CDHR2: variants seen among roughly 807,000 people sequenced by gnomAD.
CDHR2 encodes cadherin-related family member 2.
Under a neutral mutation model 138.6 loss-of-function variants are expected in CDHR2, and 104 were observed. The observed-to-expected ratio is 0.75, with a 90% CI of 0.64 to 0.88. The LOEUF (loss-of-function observed/expected upper bound fraction) is 0.88, where lower values mean the gene tolerates loss of function less well. Ranked by LOEUF, CDHR2 falls within the 40% of genes least tolerant of loss-of-function variation. CDHR2 has a pLI of 0.00. For synonymous variants in CDHR2, 755 were observed against 742.8 expected, an observed-to-expected ratio of 1.02 and a Z score of -0.27; for missense variants, 1,624 against 1,727.6, an observed-to-expected ratio of 0.94 and a Z score of 1.06.
chr5:176,560,416 A>T (rs1757938752), intron 1 of CDHR2, among the ~76,000 whole-genome samples: 1 of 152,120 alleles, frequency 6.6e-6, no homozygotes, highest in East Asian at 1.9e-4. Context: ...ATTAAAAAAA[A>T]AAAAAGACGC....
At chr5:176,559,112 G>A (rs1277472163) in intron 1 of CDHR2, among the ~76,000 whole-genome samples, 1 of 152,156 alleles carries the variant, frequency 6.6e-6, no homozygotes, top group African/African-American at 2.4e-5. Flanking sequence ...TTCTAACAAA[G>A]TATCTCCAGG....
At chr5:176,555,030 C>T (rs1346058513) in intron 1 of CDHR2, among the ~76,000 whole-genome samples, 3 of 152,208 alleles carry the variant, frequency 2.0e-5, no homozygotes, top group African/African-American at 7.2e-5. Flanking sequence ...CCACGAGTCT[C>T]TTGCTATTCA....
chr5:176,544,126 CT>C (rs1168552575), intron 1 of CDHR2, among the ~76,000 whole-genome samples: 2 of 152,258 alleles, frequency 1.3e-5, no homozygotes, highest in Non-Finnish European at 2.9e-5. Context: ...AGGTCGTCTG[CT>C]TAGCCCAGGT....
chr5:176,565,413 C>G lies in CDHR2; in HGVS notation c.52+9C>G, dbSNP rs754222138. 1.2e-6 allele frequency: 2 copies of G among 1,613,432 alleles called. No homozygotes were observed. Among genetic ancestry groups the G allele is most frequent in the South Asian group, 1.1e-5 (1 of 91,078 alleles). On this transcript the variant is annotated intron_variant, in intron 2 of 31. Coordinates refer to ENST00000261944, the MANE Select transcript of CDHR2 (RefSeq NM_017675.6). ...TGCCCTCGTGGTGTCTGGTAGGTGT[C>G]TCCCCTCCCCAGCCACGCAGCCCTA... is the stretch of plus-strand genomic sequence containing the variant.
At chr5:176,562,528 C>T (rs1757989037) in intron 1 of CDHR2, among the ~76,000 whole-genome samples, 1 of 152,036 alleles carries the variant, frequency 6.6e-6, no homozygotes, top group Non-Finnish European at 1.5e-5. Flanking sequence ...TCCTCTACCC[C>T]CACTCCTCCC....
chr5:176,556,441 C>T (rs943094598), intron 1 of CDHR2, among the ~76,000 whole-genome samples: 1 of 152,036 alleles, frequency 6.6e-6, no homozygotes, highest in Admixed American at 6.6e-5. Context: ...CCGAGGCGGG[C>T]GGATCACAAG....
chr5:176,564,908 G>A (rs911249415), intron 1 of CDHR2, among the ~76,000 whole-genome samples: 1 of 152,160 alleles, frequency 6.6e-6, no homozygotes, highest in Non-Finnish European at 1.5e-5. Context: ...ACTTCTAACA[G>A]GCAGGTATAG....
At position 176,592,141 on chromosome 5, in the gene CDHR2, ATGG is replaced by A. The variant is rs1413301724; in HGVS notation, c.3735-579_3735-577del. ...GGTAGTGATGGTGATGGTGGTGATG[ATGG>A]TGATGATGACAATGATGATGGTGGT... On this transcript the variant is annotated intron_variant, in intron 30 of 31. Coordinates refer to ENST00000261944, the MANE Select transcript of CDHR2 (RefSeq NM_017675.6). 4.0e-3 allele frequency among the ~76,000 whole-genome samples: 280 copies of A among 70,388 alleles called. 17 individuals carry two copies. The highest frequency in any genetic ancestry group is 0.016 in the African/African-American group (261 of 16,770). The allele number at this position is 70,388 out of a possible 152,430, so 46.2% of individuals were successfully genotyped here.
intron 17 of CDHR2, among the ~76,000 whole-genome samples, chr5:176,582,177 T>C (rs1260251186): frequency 6.6e-6 from 1 of 152,104 alleles, no homozygotes; most frequent in Non-Finnish European, 1.5e-5. Flanking sequence ...TATGCCACCA[T>C]GCCTGGTTAA....
Position 176,589,319 on chromosome 5 carries a change from G to A in CDHR2, c.3009-11G>A, listed in dbSNP as rs770835213. On this transcript the variant is annotated splice_polypyrimidine_tract_variant and intron_variant, in intron 22 of 31. Coordinates refer to ENST00000261944, the MANE Select transcript of CDHR2 (RefSeq NM_017675.6). ...GTTCCAAGACTGACCTGCGCCTCCC[G>A]CCTTCCGCAGGCCGGTGACCAGCCT... 22 of 1,554,930 alleles carry A rather than the reference G, an allele frequency of 1.4e-5. No homozygotes were observed. The highest frequency in any genetic ancestry group is 2.5e-5 in the South Asian group (2 of 80,312).
intron 17 of CDHR2, among the ~76,000 whole-genome samples, chr5:176,582,909 A>G (rs1046745491): frequency 2.0e-5 from 3 of 152,224 alleles, no homozygotes; most frequent in African/African-American, 7.2e-5. Flanking sequence ...CTGGAACAGT[A>G]TTGTGACAAA....
chr5:176,585,318 G>T (rs1425682944), intron 19 of CDHR2, among the ~76,000 whole-genome samples: 1 of 152,218 alleles, frequency 6.6e-6, no homozygotes, highest in African/African-American at 2.4e-5. Context: ...GTGAAAGAAA[G>T]ATAACACTGC....
Position 176,571,213 on chromosome 5 carries a change from G to T in CDHR2, c.316G>T (p.Val106Leu), listed in dbSNP as rs1447962018. The change falls in exon 6 of 32, where the codon GTG becomes TTG. Residue 106 changes from valine (V) to leucine (L), a missense_variant and splice_region_variant. Val to Leu is a conservative substitution (Grantham distance 32). Coordinates refer to ENST00000261944, the MANE Select transcript of CDHR2 (RefSeq NM_017675.6). ...GTCCCCTGGGCTTTCTCACTTGCAGGTGCAGAGGGAGATGCTGGTGATTGT... is the reference window on the plus strand; with the variant it reads ...GTCCCCTGGGCTTTCTCACTTGCAGTTGCAGAGGGAGATGCTGGTGATTGT... ...TISVSDPYIQ[V>L]QREMLVIVED... 6.2e-7 allele frequency: 1 copy of T among 1,610,828 alleles called. No homozygotes were observed. Among genetic ancestry groups the T allele is most frequent in the South Asian group, 1.1e-5 (1 of 90,774 alleles).
At position 176,574,323 on chromosome 5, in the gene CDHR2, C is replaced by T. The variant is rs1244540212; in HGVS notation, c.495+151C>T. On this transcript the variant is annotated intron_variant, in intron 7 of 31. Coordinates refer to ENST00000261944, the MANE Select transcript of CDHR2 (RefSeq NM_017675.6). The stretch of plus-strand genomic sequence containing the variant: ...AAACCGTCCTCTGGCCACCAGCCCC[C>T]CTCCCCGGAAACCTCGCCTTGCCCG... 1.4e-5 allele frequency: 9 copies of T among 639,352 alleles called. No individual in the cohort carries two copies. The East Asian group carries it at 2.2e-4, about 16-fold the overall frequency. 39.6% of individuals were successfully genotyped at this position (639,352 alleles called of 1,614,324 possible). A position where few individuals can be genotyped will look rare whatever the true frequency, so the allele number is the denominator to read the frequency against.
chr5:176,586,684 G>C, intron 20 of CDHR2, 109 bp from the exon 21 acceptor site: 1 of 962,350 alleles, frequency 1.0e-6, no homozygotes, highest in Non-Finnish European at 1.6e-6. Context: ...TGGTAGAGAG[G>C]TTGAGGGCAG....
Position 176,568,827 on chromosome 5 carries a change from A to G in CDHR2, c.264+10A>G. The G allele has an allele frequency of 6.2e-7, 1 of 1,614,022 alleles. No homozygotes were observed. The highest frequency in any genetic ancestry group is 8.5e-7 in the Non-Finnish European group (1 of 1,179,948). ...CGCTCTGGACTACGAGGTAAAGAGC[A>G]TCAGCCGGAGAGGGCACGGGACGCG... On this transcript the variant is annotated intron_variant, in intron 4 of 31. Coordinates refer to ENST00000261944, the MANE Select transcript of CDHR2 (RefSeq NM_017675.6).
At chr5:176,579,179 G>A (rs967013800) in intron 16 of CDHR2, among the ~76,000 whole-genome samples, 2 of 152,198 alleles carry the variant, frequency 1.3e-5, no homozygotes, top group Non-Finnish European at 2.9e-5. Flanking sequence ...TGAGGAGTTC[G>A]GAAGCTTCGC....
chr5:176,551,747 G>C (rs1207939209), intron 1 of CDHR2, among the ~76,000 whole-genome samples: 1 of 128,370 alleles, frequency 7.8e-6, no homozygotes, highest in Non-Finnish European at 1.6e-5. Context: ...TGTCACCCAA[G>C]CTGGAGTGCA....
chr5:176,555,291 C>T (rs1335861413), intron 1 of CDHR2, among the ~76,000 whole-genome samples: 1 of 152,206 alleles, frequency 6.6e-6, no homozygotes, highest in African/African-American at 2.4e-5. Flanking sequence ...TGCTAGGGCC[C>T]TGGGGCCACG....
Sources: allele counts gnomAD v4.1 joint callset (sites outside exome capture counted in the v4.1 genomes callset), GRCh38; gene constraint gnomAD v4.1.1; transcripts MANE v1.5; gene names NCBI Gene and HGNC (gene_info 2026-07-23, HGNC 2026-07-21).